SYTL1: variants seen among roughly 807,000 people sequenced by gnomAD.
SYTL1 encodes synaptotagmin-like protein 1.
In SYTL1, 53 loss-of-function variants were observed where a neutral mutation model predicts 74.6. That is an observed-to-expected ratio of 0.71 (90% CI 0.57 to 0.89). The LOEUF is 0.89. Among genes scored for constraint, SYTL1 ranks in the 40% least tolerant of loss-of-function variants. SYTL1 has a pLI of 0.00. For missense variants in SYTL1, 728 were observed against 768.7 expected (o/e 0.95, Z 0.63); for synonymous variants, 329 against 324.9 (o/e 1.01, Z -0.14).
chr1:27,349,610 GT>G (rs1200236031), intron 7 of SYTL1, 41 bp from the exon 8 acceptor site: 14 of 1,564,110 alleles, frequency 9.0e-6, no homozygotes, highest in Non-Finnish European at 1.1e-5. Flanking sequence ...CGGGGCAGGG[GT>G]GGGGAAAGAA....
chr1:27,350,998 T>G lies in SYTL1; in HGVS notation c.1164+46T>G. The G allele has an allele frequency of 6.2e-7, 1 of 1,603,814 alleles. No homozygotes were observed. Among genetic ancestry groups the G allele is most frequent in the Non-Finnish European group, 8.5e-7 (1 of 1,174,396 alleles). ...GGGGAGACCTGCGGCCCGGGTCTCCTGCATTTACCCCACCAGGCTCTCCCG... is the reference window on the plus strand; with the variant it reads ...GGGGAGACCTGCGGCCCGGGTCTCCGGCATTTACCCCACCAGGCTCTCCCG... On this transcript the variant is annotated intron_variant, in intron 11 of 14. Coordinates refer to ENST00000616558, the MANE Select transcript of SYTL1 (RefSeq NM_001193308.2). The surrounding 1 kb of genome is among the most constrained non-coding windows in gnomAD (Gnocchi z 6.3).
rs774644374 is a variant in SYTL1 at position 27,349,734 on chromosome 1, G to C, written c.716G>C (p.Ser239Thr). ...DPSLDRMLSS[S>T]SSVSSLNSST... ...TCTCTCGACCGCATGCTCAGCAGCA[G>C]CTCCTCGGTGTCCAGCCTTAACTCC... The change falls in exon 8 of 15, where the codon AGC (serine) becomes ACC (threonine). Residue 239 changes from serine to threonine, a missense_variant. Transcript: ENST00000616558. 1.9e-6 allele frequency: 3 copies of C among 1,608,056 alleles called. No homozygotes were observed. The highest frequency in any genetic ancestry group is 1.7e-5 in the Admixed American group (1 of 59,888).
In SYTL1 at chr1:27,347,875, G is replaced by T. The variant is rs142369900; in HGVS notation, c.408G>T (p.Glu136Asp). Residue 136 changes from glutamate (E) to aspartate (D), a missense_variant, in exon 4 of 15, where the codon GAG (glutamate) becomes GAT (aspartate). By Grantham distance (45) the Glu-to-Asp change is conservative. Coordinates refer to ENST00000616558, the MANE Select transcript of SYTL1 (RefSeq NM_001193308.2). This position sits in a 1 kb window ranked among gnomAD's most constrained non-coding sequence, Gnocchi z 4.9. ...TGAAAGAGAAGGAAGAGGGGCCAGA[G>T]CCCAGGTGAGGAGGAGTCTCAGGAA... ...AAVKEKEEGP[E>D]PRLTIDEAPQ... is the part of the protein sequence containing the mutation. 1.2e-4 allele frequency: 197 copies of T among 1,614,128 alleles called. No individual in the cohort carries two copies. In the African/African-American group the frequency reaches 2.4e-3, roughly 20 times the overall value.
In SYTL1 at chr1:27,351,061, TC is replaced by T. The variant is rs2015249842; in HGVS notation, c.1164+110del. ...ACCCCGCCTTCGACAGAACCTCCCC[TC>T]AACCTCTTAACCTCATGGCCCCAGG... On this transcript the variant is annotated intron_variant, in intron 11 of 14. Transcript: ENST00000616558. The surrounding 1 kb of genome is among the most constrained non-coding windows in gnomAD (Gnocchi z 5.0). 1.4e-6 allele frequency: 2 copies of T among 1,408,466 alleles called. No homozygotes were observed. The highest frequency in any genetic ancestry group is 2.9e-5 in the African/African-American group (2 of 69,996). 87.2% of individuals were successfully genotyped at this position (1,408,466 alleles called of 1,614,324 possible).
intron 13 of SYTL1, 47 bp from the exon 14 acceptor site, chr1:27,353,236 A>G: frequency 6.5e-7 from 1 of 1,533,846 alleles, no homozygotes; most frequent in Non-Finnish European, 8.8e-7. Context: ...GGATGACTCT[A>G]GGGAGTGTGA....
chr1:27,351,166 T>G lies in SYTL1; in HGVS notation c.1165-92T>G. The G allele has an allele frequency of 6.8e-7, 1 of 1,467,386 alleles. No individual in the cohort carries two copies. The highest frequency in any genetic ancestry group is 9.2e-7 in the Non-Finnish European group (1 of 1,082,272). 90.9% of individuals were successfully genotyped at this position (1,467,386 alleles called of 1,614,324 possible). ...CTGCCCCTGCAGGCCCCGCCGTCTC[T>G]TCTAGCCGCACCCCATCCGGGTCTG... On this transcript the variant is annotated intron_variant, in intron 11 of 14. Transcript: ENST00000616558. The surrounding 1 kb of genome is among the most constrained non-coding windows in gnomAD (Gnocchi z 5.0).
At chr1:27,349,576 G>A in intron 7 of SYTL1, 76 bp from the exon 8 acceptor site, 1 of 1,497,442 alleles carries the variant, frequency 6.7e-7, no homozygotes, top group South Asian at 1.3e-5. Flanking sequence ...CCAGGGCTGC[G>A]AGCCGCCCGC....
chr1:27,345,417 C>T lies in SYTL1; in HGVS notation c.83C>T (p.Thr28Ile). Residue 28 changes from threonine (T) to isoleucine (I), a missense_variant, in exon 2 of 15, where the codon ACT becomes ATT. Physicochemically the swap from Thr to Ile is moderately conservative, Grantham distance 89. Coordinates refer to ENST00000616558, the MANE Select transcript of SYTL1 (RefSeq NM_001193308.2). This position sits in a 1 kb window ranked among gnomAD's most constrained non-coding sequence, Gnocchi z 6.0. ...ATGGCGCATGGGCCAAAGCCTGAGA[C>T]TGAAGGACTGTTGGACCTCAGCTTC... The part of the protein sequence containing the change: ...LPMAHGPKPE[T>I]EGLLDLSFLT... 6.4e-7 allele frequency: 1 copy of T among 1,561,702 alleles called. No individual in the cohort carries two copies. The highest frequency in any genetic ancestry group is 8.7e-7 in the Non-Finnish European group (1 of 1,152,030).
chr1:27,343,435 T>C lies in SYTL1; in HGVS notation c.-39+1285T>C, dbSNP rs996247329. 3.3e-5 allele frequency among the ~76,000 whole-genome samples: 5 copies of C among 150,934 alleles called. No individual in the cohort carries two copies. Among genetic ancestry groups the C allele is most frequent in the Non-Finnish European group, 7.4e-5 (5 of 67,710 alleles). On this transcript the variant is annotated intron_variant, in intron 1 of 14. Transcript: ENST00000616558. The surrounding 1 kb of genome is among the most constrained non-coding windows in gnomAD (Gnocchi z 5.2). Reference sequence around the variant, plus strand: ...CCTGGGTTGGAGGCCTCCGTGGGAGTGGGTGCGGCAGTTACCTCAGGAGAG... The same window carrying C: ...CCTGGGTTGGAGGCCTCCGTGGGAGCGGGTGCGGCAGTTACCTCAGGAGAG...
rs891071976 is a variant in SYTL1, at chr1:27,348,442, G to A, written c.459+430G>A. Among the ~76,000 whole-genome samples, 16 of 151,920 alleles carry A rather than the reference G, an allele frequency of 1.1e-4. No individual in the cohort carries two copies. Among genetic ancestry groups the A allele is most frequent in the East Asian group, 3.9e-4 (2 of 5,164 alleles). ...AATAAATAAAAAAAAAAGGCCGGTC[G>A]TGGCAGCTCACGCCTATAATCCCAG... On this transcript the variant is annotated intron_variant, in intron 5 of 14. Transcript: ENST00000616558. This position sits in a 1 kb window ranked among gnomAD's most constrained non-coding sequence, Gnocchi z 4.1.
At position 27,350,226 on chromosome 1, in the gene SYTL1, GAAC is replaced by G; in HGVS notation, c.908+99_908+101del. The G allele has an allele frequency of 6.7e-7, 1 of 1,484,026 alleles. No individual in the cohort carries two copies. The highest frequency in any genetic ancestry group is 9.2e-7 in the Non-Finnish European group (1 of 1,090,728). 91.9% of individuals were successfully genotyped at this position (1,484,026 alleles called of 1,614,324 possible). On this transcript the variant is annotated intron_variant, in intron 9 of 14. Transcript: ENST00000616558. This position sits in a 1 kb window ranked among gnomAD's most constrained non-coding sequence, Gnocchi z 6.3. ...CTCCTCGTCCTCATCTTCAAAATGG[GAAC>G]AACAGCGTTATTGGGAGGCGTGCGA...
rs1422032618 is a variant in SYTL1 at position 27,345,837 on chromosome 1, T to G, written c.191+312T>G. Among the ~76,000 whole-genome samples, 1 of 151,638 alleles carries G rather than the reference T, an allele frequency of 6.6e-6. No individual in the cohort carries two copies. Among genetic ancestry groups the G allele is most frequent in the Middle Eastern group, 3.2e-3 (1 of 314 alleles). On this transcript the variant is annotated intron_variant, in intron 2 of 14. Transcript: ENST00000616558. The surrounding 1 kb of genome is among the most constrained non-coding windows in gnomAD (Gnocchi z 6.0). ...TTTTTTCGCCCAGGCTGGAGTGAAG[T>G]GGCACAATCTTGGCTCACTGCAACC...
intron 8 of SYTL1, 50 bp from the exon 9 acceptor site, chr1:27,349,922 C>G: frequency 6.4e-7 from 1 of 1,555,066 alleles, no homozygotes; most frequent in East Asian, 2.4e-5. Context: ...CCCGCGGCCC[C>G]GACGTGAGCC....
Position 27,345,448 on chromosome 1 carries a change from AGAG to A in SYTL1, c.121_123del (p.Glu41del), listed in dbSNP as rs1241332209. 2.6e-6 allele frequency: 4 copies of A among 1,562,974 alleles called. No individual in the cohort carries two copies. In the South Asian group the frequency reaches 3.5e-5, roughly 14 times the overall value. On this transcript the variant is annotated inframe_deletion, in exon 2 of 15. Coordinates refer to ENST00000616558, the MANE Select transcript of SYTL1 (RefSeq NM_001193308.2). This position sits in a 1 kb window ranked among gnomAD's most constrained non-coding sequence, Gnocchi z 6.0. ...GACTGTTGGACCTCAGCTTCCTGAC[AGAG>A]GAGGAGCAGGAGGCCATTGCTGGCG... is the stretch of plus-strand genomic sequence containing the variant.
intron 8 of SYTL1, 79 bp from the exon 9 acceptor site, chr1:27,349,893 G>A (rs1235697048): frequency 1.3e-6 from 2 of 1,540,584 alleles, no homozygotes; most frequent in Non-Finnish European, 1.7e-6. Context: ...TATGACCCGG[G>A]TCTGAAGCCT....
rs2015102829 is a variant in SYTL1 at position 27,348,648 on chromosome 1, A to T, written c.460-432A>T. On this transcript the variant is annotated intron_variant, in intron 5 of 14. Coordinates refer to ENST00000616558, the MANE Select transcript of SYTL1 (RefSeq NM_001193308.2). The surrounding 1 kb of genome is among the most constrained non-coding windows in gnomAD (Gnocchi z 4.1). Reference sequence around the variant, plus strand: ...CTTGAACCCAGGAGGCGGAGGTTGCAGTGAGCCAAGATCACACCATTGCAC... The same window carrying T: ...CTTGAACCCAGGAGGCGGAGGTTGCTGTGAGCCAAGATCACACCATTGCAC... 6.6e-6 allele frequency among the ~76,000 whole-genome samples: 1 copy of T among 152,166 alleles called. No homozygotes were observed. Among genetic ancestry groups the T allele is most frequent in the Non-Finnish European group, 1.5e-5 (1 of 68,018 alleles).
Position 27,349,978 on chromosome 1 carries a change from G to C in SYTL1, c.754G>C (p.Gly252Arg). ...VSSLNSSTLSGSQMSLSGDAE... is the reference protein window; with the variant it reads ...VSSLNSSTLSRSQMSLSGDAE... Reference sequence around the variant, plus strand: ...CACCCACTCCCGTCCGCAGCTGAGCGGCAGCCAGATGAGCCTGTCAGGCGA... The same window carrying C: ...CACCCACTCCCGTCCGCAGCTGAGCCGCAGCCAGATGAGCCTGTCAGGCGA... Residue 252 changes from glycine (G) to arginine (R), a missense_variant, in exon 9 of 15, where the codon GGC becomes CGC. Coordinates refer to ENST00000616558, the MANE Select transcript of SYTL1 (RefSeq NM_001193308.2). The C allele has an allele frequency of 1.3e-6, 2 of 1,573,178 alleles. No individual in the cohort carries two copies. Among genetic ancestry groups the C allele is most frequent in the Non-Finnish European group, 8.6e-7 (1 of 1,168,624 alleles).
chr1:27,353,473 C>T lies in SYTL1; in HGVS notation c.1534C>T (p.Leu512Phe), dbSNP rs763315022. Residue 512 changes from leucine (L) to phenylalanine (F), a missense_variant, in exon 14 of 15, where the codon CTC becomes TTC. Physicochemically the swap from Leu to Phe is conservative, Grantham distance 22. Coordinates refer to ENST00000616558, the MANE Select transcript of SYTL1 (RefSeq NM_001193308.2). Reference sequence around the variant, plus strand: ...CAACCGCCAGCTGGGGGGCACACGCCTCAGCCTGGGCACCGGTAAGTGGGA... The same window carrying T: ...CAACCGCCAGCTGGGGGGCACACGCTTCAGCCTGGGCACCGGTAAGTGGGA... ...LANRQLGGTR[L>F]SLGTGSSYGL... 6.2e-7 allele frequency: 1 copy of T among 1,602,612 alleles called. No homozygotes were observed. The highest frequency in any genetic ancestry group is 2.2e-5 in the East Asian group (1 of 44,540).
In SYTL1 at chr1:27,348,695, G is replaced by T. The variant is rs2015103870; in HGVS notation, c.460-385G>T. On this transcript the variant is annotated intron_variant, in intron 5 of 14. Transcript: ENST00000616558. The surrounding 1 kb of genome is among the most constrained non-coding windows in gnomAD (Gnocchi z 4.1). ...GCACTCTAGCCTGGGCAACAAGAGT[G>T]AAACTCTGTCTCAATTAAAAATAAT... 6.6e-6 allele frequency among the ~76,000 whole-genome samples: 1 copy of T among 151,970 alleles called. No individual in the cohort carries two copies. Among genetic ancestry groups the T allele is most frequent in the Admixed American group, 6.6e-5 (1 of 15,264 alleles).
Sources: gnomAD v4.1 joint callset for allele counts (sites outside exome capture counted in the v4.1 genomes callset) on GRCh38, gnomAD v4.1.1 for gene constraint, Gnocchi (gnomAD v3.1) non-coding constraint, MANE v1.5 for transcripts, NCBI Gene and HGNC (gene_info 2026-07-23, HGNC 2026-07-21) for gene names.